Variants in RASA3 observed in about 807,000 individuals in gnomAD.
RASA3 encodes the protein ras GTPase-activating protein 3.
In RASA3, 73 loss-of-function variants were observed where a neutral mutation model predicts 110.0. That is an observed-to-expected ratio of 0.66 (90% CI 0.55 to 0.81). RASA3 has a LOEUF of 0.81. Among genes scored for constraint, RASA3 ranks in the 30% least tolerant of loss-of-function variants. The pLI, the probability that RASA3 is intolerant of heterozygous loss-of-function variation, is 0.00. For synonymous variants in RASA3, 500 were observed against 451.4 expected (o/e 1.11, Z -1.37); for missense variants, 976 against 1,113.2 (o/e 0.88, Z 1.75).
chr13:114,023,761 T>C (rs1161660001), intron 8 of RASA3, among the ~76,000 whole-genome samples: 1 of 152,230 alleles, frequency 6.6e-6, no homozygotes, highest in Non-Finnish European at 1.5e-5. Context: ...GGGCAAAGGC[T>C]GAAGATGCAG....
At chr13:114,025,849 T>C (rs560187526) in intron 7 of RASA3, among the ~76,000 whole-genome samples, 295 of 152,322 alleles carry the variant, frequency 1.9e-3, no homozygotes, top group Non-Finnish European at 3.4e-3. Flanking sequence ...CCGCGGGGGA[T>C]GTGCTCCCTC....
intron 3 of RASA3, among the ~76,000 whole-genome samples, chr13:114,042,191 G>A (rs750852255): frequency 1.2e-4 from 19 of 152,210 alleles, no homozygotes; most frequent in Non-Finnish European, 2.6e-4. Context: ...TCCCATCCCC[G>A]GCAGGACAGG....
intron 1 of RASA3, among the ~76,000 whole-genome samples, chr13:114,117,692 G>A (rs1375420110): frequency 2.2e-5 from 3 of 137,664 alleles, no homozygotes; most frequent in Non-Finnish European, 4.7e-5. Context: ...AGGGGTGCAT[G>A]TGTGTGAGGG....
At chr13:114,022,445 C>T (rs911473460) in intron 8 of RASA3, among the ~76,000 whole-genome samples, 1 of 152,192 alleles carries the variant, frequency 6.6e-6, no homozygotes, top group Non-Finnish European at 1.5e-5. Context: ...CACAGTTACA[C>T]GTGGCCAGCC....
chr13:114,051,809 G>A (rs940268981), intron 3 of RASA3, among the ~76,000 whole-genome samples: 1 of 152,208 alleles, frequency 6.6e-6, no homozygotes, highest in Non-Finnish European at 1.5e-5. Flanking sequence ...TTGCCTTGAG[G>A]GGCCATGGAA....
chr13:114,042,771 A>T (rs530346495), intron 3 of RASA3, among the ~76,000 whole-genome samples: 1 of 152,330 alleles, frequency 6.6e-6, no homozygotes, highest in East Asian at 1.9e-4. Flanking sequence ...CAGCAGCCAC[A>T]TGCTTGGGCC....
At position 114,009,447 on chromosome 13, in the gene RASA3, G is replaced by A; in HGVS notation, c.1608C>T (p.Ser536=). The part of the protein sequence containing the change: ...SKSKSASFKE[S]YMATFYEFFN... ...AGAATTCATAAAATGTAGCCATGTA[G>A]GACTCCTTAAAACTCGCCTAAAATG... The change falls in exon 17 of 24, where the codon TCC becomes TCT. Residue 536 remains serine, a synonymous_variant. Transcript: ENST00000334062. The A allele has an allele frequency of 6.2e-7, 1 of 1,611,586 alleles. No homozygotes were observed. Among genetic ancestry groups the A allele is most frequent in the Non-Finnish European group, 8.5e-7 (1 of 1,178,870 alleles).
Position 114,016,201 on chromosome 13 carries a change from T to C in RASA3, c.1277A>G (p.Asn426Ser), listed in dbSNP as rs756422955. ...KLKDGENLEN[N>S]MENLRQYVDR... ...TGGTTCATGAACAAAACCTACCATG[T>C]TGTTTTCAAGGTTTTCTCCGTCTTT... is the stretch of plus-strand genomic sequence containing the variant. The change falls in exon 13 of 24, where the codon AAC becomes AGC. Residue 426 changes from asparagine (N) to serine (S), a missense_variant. Transcript: ENST00000334062. 6.3e-7 allele frequency: 1 copy of C among 1,585,818 alleles called. No homozygotes were observed. Among genetic ancestry groups the C allele is most frequent in the Non-Finnish European group, 8.7e-7 (1 of 1,154,594 alleles).
intron 2 of RASA3, among the ~76,000 whole-genome samples, chr13:114,067,525 CACCA>C (rs572207918): frequency 2.6e-4 from 39 of 152,342 alleles, no homozygotes; most frequent in African/African-American, 8.4e-4. Flanking sequence ...TCTCCCAAAC[CACCA>C]ACTTCCTCCT....
intron 16 of RASA3, among the ~76,000 whole-genome samples, chr13:114,010,897 C>T (rs976494796): frequency 7.6e-6 from 1 of 130,766 alleles, no homozygotes; most frequent in African/African-American, 2.9e-5. Flanking sequence ...TCAGCCGCTT[C>T]CCACACCTGA....
At chr13:114,059,274 A>C (rs4883665) in intron 2 of RASA3, among the ~76,000 whole-genome samples, 25,627 of 152,182 alleles carry the variant, frequency 0.17, 3,623 homozygotes, top group African/African-American at 0.35. Flanking sequence ...CACAGTCCCC[A>C]GGTGCAGCTG....
chr13:114,062,812 G>A (rs935804905), intron 2 of RASA3, among the ~76,000 whole-genome samples: 1 of 152,240 alleles, frequency 6.6e-6, no homozygotes, highest in African/African-American at 2.4e-5. Context: ...AGCAACAGCA[G>A]AACGGTGCTC....
rs112809731 is a variant in RASA3 at position 114,015,652 on chromosome 13, C to T, written c.1282-320G>A. ...CTCTGTCATTTACATACAGAAATGA[C>T]GAAACAGCACGCTCTGCAAGAAGTA... On this transcript the variant is annotated intron_variant, in intron 13 of 23. Transcript: ENST00000334062. Among the ~76,000 whole-genome samples, 959 of 152,322 alleles carry T rather than the reference C, an allele frequency of 6.3e-3. 14 individuals are homozygous for T. The highest frequency in any genetic ancestry group is 0.022 in the African/African-American group (907 of 41,548).
intron 2 of RASA3, among the ~76,000 whole-genome samples, chr13:114,059,478 G>A (rs537186989): frequency 1.3e-5 from 2 of 152,374 alleles, no homozygotes; most frequent in South Asian, 4.1e-4. Flanking sequence ...GGCCTTGCCG[G>A]GGGAAGCACG....
chr13:114,038,413 T>C (rs2054322754), intron 4 of RASA3, among the ~76,000 whole-genome samples: 1 of 152,266 alleles, frequency 6.6e-6, no homozygotes, highest in South Asian at 2.1e-4. Flanking sequence ...CACAGCGTCC[T>C]TCACTTTCCA....
intron 1 of RASA3, among the ~76,000 whole-genome samples, chr13:114,104,877 C>T (rs564676663): frequency 6.4e-4 from 96 of 149,768 alleles, no homozygotes; most frequent in Non-Finnish European, 1.3e-3. Context: ...TCCCCACACA[C>T]GCTACCCACT....
At position 113,978,330 on chromosome 13, in the gene RASA3, G is replaced by C. The variant is rs1004498854; in HGVS notation, c.*1017C>G. 68 of 152,296 alleles carry C rather than the reference G, an allele frequency of 4.5e-4. No homozygotes were observed. Among genetic ancestry groups the C allele is most frequent in the African/African-American group, 1.4e-3 (58 of 41,436 alleles). The allele number at this position is 152,296 out of a possible 1,614,324, so 9.4% of individuals were successfully genotyped here. ...AAACTCAGAGTTTCTTCCCTTCTTTGATTTTCTGGAGGACCTGCAGCTGGC... is the reference window on the plus strand; with the variant it reads ...AAACTCAGAGTTTCTTCCCTTCTTTCATTTTCTGGAGGACCTGCAGCTGGC... On this transcript the variant is annotated 3_prime_UTR_variant, in exon 24 of 24. Transcript: ENST00000334062.
Position 114,115,868 on chromosome 13 carries a change from G to C in RASA3, c.55+16567C>G, listed in dbSNP as rs1441724615. 1.3e-5 allele frequency among the ~76,000 whole-genome samples: 2 copies of C among 152,206 alleles called. No individual in the cohort carries two copies. The highest frequency in any genetic ancestry group is 4.8e-5 in the African/African-American group (2 of 41,440). On this transcript the variant is annotated intron_variant, in intron 1 of 23. Transcript: ENST00000334062. This position sits in a 1 kb window ranked among gnomAD's most constrained non-coding sequence, Gnocchi z 5.0. ...ATTTAAATGTGAGATTATTCTTCTT[G>C]GTTAATATTTTACTTTCTGTCATAA...
intron 1 of RASA3, among the ~76,000 whole-genome samples, chr13:114,076,276 TTGG>T (rs2079680136): frequency 2.0e-5 from 3 of 152,120 alleles, no homozygotes; most frequent in Non-Finnish European, 4.4e-5. Context: ...TGATAATCGG[TTGG>T]TGGGAAAAAA....
Sources: gnomAD v4.1 joint callset for allele counts (sites outside exome capture counted in the v4.1 genomes callset) on GRCh38, gnomAD v4.1.1 for gene constraint, Gnocchi (gnomAD v3.1) non-coding constraint, MANE v1.5 for transcripts, NCBI Gene and HGNC (gene_info 2026-07-23, HGNC 2026-07-21) for gene names.